Variants in MDFIC2 observed in about 807,000 individuals in gnomAD.
MDFIC2 encodes myoD family inhibitor domain-containing protein 2.
At chr3:70,229,638 A>G (rs1701540198) in intron 2 of MDFIC2, among the ~76,000 whole-genome samples, 1 of 152,122 alleles carries the variant, frequency 6.6e-6, no homozygotes, top group South Asian at 2.1e-4. Context: ...TTCTCTACTT[A>G]TTGGCCAGCT....
At chr3:70,208,413 A>G (rs1013170411) in intron 2 of MDFIC2, among the ~76,000 whole-genome samples, 2 of 152,200 alleles carry the variant, frequency 1.3e-5, no homozygotes, top group African/African-American at 2.4e-5. Flanking sequence ...TTTAGGGCCA[A>G]TGGAAATGTC....
At chr3:70,199,859 T>C (rs577984520) in intron 3 of MDFIC2, among the ~76,000 whole-genome samples, 15 of 152,312 alleles carry the variant, frequency 9.8e-5, no homozygotes, top group Admixed American at 3.3e-4. Flanking sequence ...GTATACCATA[T>C]ATGCTATTGC....
chr3:70,200,560 C>T (rs944656189), intron 3 of MDFIC2, among the ~76,000 whole-genome samples: 3 of 152,184 alleles, frequency 2.0e-5, no homozygotes, highest in African/African-American at 7.2e-5. Context: ...TAGCTTTAAA[C>T]ACCTTCCCTT....
chr3:70,309,371 A>G (rs944356923), intron 2 of MDFIC2, among the ~76,000 whole-genome samples: 7 of 152,318 alleles, frequency 4.6e-5, no homozygotes, highest in South Asian at 2.1e-4. Flanking sequence ...GCTATTACCA[A>G]TGGTTCAAAG....
intron 2 of MDFIC2, among the ~76,000 whole-genome samples, chr3:70,256,097 T>A (rs549405622): frequency 1.3e-5 from 2 of 152,218 alleles, no homozygotes; most frequent in Non-Finnish European, 2.9e-5. Flanking sequence ...TTTTAGGTAA[T>A]GGAGCAAGAA....
At chr3:70,211,426 CTTCCCTTCCCTTCCCTTCCT>C (rs1482319835) in intron 2 of MDFIC2, among the ~76,000 whole-genome samples, 66 of 9,188 alleles carry the variant, frequency 7.2e-3, no homozygotes, top group Non-Finnish European at 0.012. Flanking sequence ...TCCCTTTGCC[CTTCCCTTCCCTTCCCTTCCT>C]TTCCCTTCCC....
chr3:70,214,456 A>G (rs918349241), intron 2 of MDFIC2, among the ~76,000 whole-genome samples: 2 of 152,090 alleles, frequency 1.3e-5, no homozygotes, highest in African/African-American at 4.8e-5. Context: ...GCTAAAGTAT[A>G]TTATTCCTCC....
At chr3:70,254,253 G>A (rs950778556) in intron 2 of MDFIC2, among the ~76,000 whole-genome samples, 3 of 152,058 alleles carry the variant, frequency 2.0e-5, no homozygotes, top group African/African-American at 7.2e-5. Context: ...AAGTTTAATG[G>A]ATAAATTAAA....
chr3:70,215,622 C>G (rs1298472122), intron 2 of MDFIC2, among the ~76,000 whole-genome samples: 7 of 152,060 alleles, frequency 4.6e-5, no homozygotes, highest in Admixed American at 4.6e-4. Context: ...GGTTGATATC[C>G]TTACTAGATC....
chr3:70,241,221 A>G lies in MDFIC2; in HGVS notation c.89-34431T>C, dbSNP rs79208383. On this transcript the variant is annotated intron_variant, in intron 2 of 3. Coordinates refer to ENST00000567252, the MANE Select transcript of MDFIC2 (RefSeq NM_001364677.1). ...TCCTCATAAATATTGTCATATTTCT[A>G]CTTTAAAACTCCACTCTTTAGAGGT... Among the ~76,000 whole-genome samples the G allele has an allele frequency of 7.4e-3, 1,126 of 152,286 alleles. 61 individuals are homozygous for G. The East Asian group carries it at 0.15, about 20-fold the overall frequency.
intron 2 of MDFIC2, among the ~76,000 whole-genome samples, chr3:70,229,942 TATA>T (rs912576925): frequency 2.0e-5 from 3 of 152,180 alleles, no homozygotes; most frequent in Admixed American, 6.5e-5. Flanking sequence ...ATTATGGAAT[TATA>T]ATGATACAAA....
intron 2 of MDFIC2, among the ~76,000 whole-genome samples, chr3:70,258,814 A>G (rs1701840847): frequency 1.3e-5 from 2 of 152,174 alleles, no homozygotes; most frequent in Non-Finnish European, 2.9e-5. Flanking sequence ...ATAACCATAG[A>G]AGGAGGCACA....
intron 2 of MDFIC2, among the ~76,000 whole-genome samples, chr3:70,274,150 G>A (rs1245479156): frequency 1.3e-5 from 2 of 151,474 alleles, no homozygotes; most frequent in African/African-American, 2.4e-5. Flanking sequence ...AAAATAATGT[G>A]AAATTATACT....
intron 2 of MDFIC2, among the ~76,000 whole-genome samples, chr3:70,275,854 C>G (rs1040280846): frequency 2.0e-5 from 3 of 152,046 alleles, no homozygotes; most frequent in Admixed American, 1.3e-4. Flanking sequence ...TATGCTAAAA[C>G]CCATGTTGTA....
At position 70,229,187 on chromosome 3, in the gene MDFIC2, C is replaced by T. The variant is rs539113668; in HGVS notation, c.89-22397G>A. ...AATTTTTAGTTATCAGCATCTTACA[C>T]ATACAAGAAAAGAAAAGGTGTCAGA... is the stretch of plus-strand genomic sequence containing the variant. On this transcript the variant is annotated intron_variant, in intron 2 of 3. Coordinates refer to ENST00000567252, the MANE Select transcript of MDFIC2 (RefSeq NM_001364677.1). 2.5e-3 allele frequency among the ~76,000 whole-genome samples: 387 copies of T among 152,174 alleles called. 1 individual carries two copies. The highest frequency in any genetic ancestry group is 0.01 in the Middle Eastern group (3 of 294).
intron 2 of MDFIC2, among the ~76,000 whole-genome samples, chr3:70,269,739 A>G (rs950206377): frequency 1.3e-5 from 2 of 152,234 alleles, no homozygotes; most frequent in Non-Finnish European, 2.9e-5. Flanking sequence ...GTTTTAAAAA[A>G]TGCCTAGTCT....
intron 2 of MDFIC2, among the ~76,000 whole-genome samples, chr3:70,217,362 G>T (rs1220661021): frequency 2.0e-5 from 3 of 152,034 alleles, no homozygotes; most frequent in Non-Finnish European, 4.4e-5. Context: ...GATTTGTGTA[G>T]GTTGAATTAA....
intron 2 of MDFIC2, among the ~76,000 whole-genome samples, chr3:70,237,977 ATC>A (rs1179367549): frequency 7.7e-5 from 1 of 13,008 alleles, no homozygotes; most frequent in African/African-American, 4.9e-4. Context: ...ATTGAGTGGT[ATC>A]TTTTTTTTTT....
rs998581884 is a variant in MDFIC2 at position 70,195,570 on chromosome 3, GA to G, written c.*1355del. On this transcript the variant is annotated 3_prime_UTR_variant, in exon 4 of 4. Coordinates refer to ENST00000567252, the MANE Select transcript of MDFIC2 (RefSeq NM_001364677.1). ...TTTTGCCTGAAATTACCTAAGTCAG[GA>G]AAAAACAGGTATTTTGGAGCTTTCT... is the stretch of plus-strand genomic sequence containing the variant. Among the ~76,000 whole-genome samples, 50 of 152,202 alleles carry G rather than the reference GA, an allele frequency of 3.3e-4. No homozygotes were observed. The highest frequency in any genetic ancestry group is 1.1e-3 in the African/African-American group (45 of 41,524).
Sources: gnomAD v4.1 joint callset for allele counts (sites outside exome capture counted in the v4.1 genomes callset) on GRCh38, gnomAD v4.1.1 for gene constraint, MANE v1.5 for transcripts, NCBI Gene and HGNC (gene_info 2026-07-23, HGNC 2026-07-21) for gene names.